Variants in RABEP1 observed in about 807,000 individuals in gnomAD.
RABEP1 encodes rabaptin, RAB GTPase binding effector protein 1, also known as rab GTPase-binding effector protein 1.
In RABEP1, 51 loss-of-function variants were observed where a neutral mutation model predicts 123.4. The ratio of observed to expected loss-of-function variants is 0.41; its 90% CI spans 0.33 to 0.52. The LOEUF (loss-of-function observed/expected upper bound fraction) is 0.52, where lower values mean the gene tolerates loss of function less well. Ranked by LOEUF, RABEP1 falls within the 20% of genes least tolerant of loss-of-function variation. RABEP1 has a pLI of 0.16. For missense variants in RABEP1, 888 were observed against 996.3 expected, an observed-to-expected ratio of 0.89 and a Z score of 1.46; for synonymous variants, 347 against 355.2, an observed-to-expected ratio of 0.98 and a Z score of 0.26.
At chr17:5,367,473 C>G (rs139738076) in intron 11 of RABEP1, among the ~76,000 whole-genome samples, 3,094 of 151,760 alleles carry the variant, frequency 0.02, 95 homozygotes, top group African/African-American at 0.069. Context: ...GTTTCACCAT[C>G]TTGGCCAGGC....
At chr17:5,373,997 T>G (rs964788323) in intron 13 of RABEP1, among the ~76,000 whole-genome samples, 12 of 152,106 alleles carry the variant, frequency 7.9e-5, no homozygotes, top group Admixed American at 1.3e-4. Context: ...GCTGGCTGCT[T>G]ATGACGTTTG....
chr17:5,381,635 A>C (rs1911466448), intron 17 of RABEP1, 130 bp downstream of exon 17: 2 of 1,393,284 alleles, frequency 1.4e-6, no homozygotes, highest in Non-Finnish European at 1.9e-6. Flanking sequence ...TCCACCCCAA[A>C]TGTCTGACTC....
intron 7 of RABEP1, among the ~76,000 whole-genome samples, chr17:5,352,338 G>A (rs1206190287): frequency 3.3e-5 from 5 of 151,822 alleles, no homozygotes; most frequent in East Asian, 2.0e-4. Flanking sequence ...GACTACAGGC[G>A]TGTGCCACCA....
intron 2 of RABEP1, among the ~76,000 whole-genome samples, chr17:5,322,829 C>T (rs933887335): frequency 1.4e-4 from 21 of 152,214 alleles, no homozygotes; most frequent in Middle Eastern, 3.2e-3. Flanking sequence ...AATCCCAACA[C>T]TTTGGGAGGC....
At chr17:5,294,649 T>TAGA (rs2075064562) in intron 1 of RABEP1, among the ~76,000 whole-genome samples, 1 of 50,940 alleles carries the variant, frequency 2.0e-5, no homozygotes, top group Non-Finnish European at 4.0e-5. Context: ...TTTTTTTTTT[T>TAGA]TTTTTTTTTT....
At chr17:5,291,382 A>G (rs1476638956) in intron 1 of RABEP1, among the ~76,000 whole-genome samples, 1 of 152,224 alleles carries the variant, frequency 6.6e-6, no homozygotes, top group Non-Finnish European at 1.5e-5. Flanking sequence ...ATTGCACTCC[A>G]GCCCGGGCGA....
intron 2 of RABEP1, among the ~76,000 whole-genome samples, chr17:5,311,217 T>C (rs1042636092): frequency 6.6e-6 from 1 of 152,186 alleles, no homozygotes. Flanking sequence ...AGTTTGTGTT[T>C]TTAGCAAGTT....
At chr17:5,287,033 T>C (rs1406805931) in intron 1 of RABEP1, among the ~76,000 whole-genome samples, 1 of 152,144 alleles carries the variant, frequency 6.6e-6, no homozygotes, top group Non-Finnish European at 1.5e-5. Context: ...GGCGGAAGCA[T>C]GTCTGGCATG....
chr17:5,334,952 C>T (rs1906921975), intron 3 of RABEP1, among the ~76,000 whole-genome samples: 1 of 152,048 alleles, frequency 6.6e-6, no homozygotes, highest in African/African-American at 2.4e-5. Flanking sequence ...AGGTTTTCTC[C>T]TTCGTAAAAT....
At chr17:5,314,566 T>TG (rs2075277670) in intron 2 of RABEP1, among the ~76,000 whole-genome samples, 1 of 150,944 alleles carries the variant, frequency 6.6e-6, no homozygotes, top group Non-Finnish European at 1.5e-5. Flanking sequence ...TCACCCAGGC[T>TG]GGAGTGCAGT....
chr17:5,323,074 C>CA (rs201728187), intron 2 of RABEP1, among the ~76,000 whole-genome samples: 3,159 of 151,134 alleles, frequency 0.021, 44 homozygotes, highest in Middle Eastern at 0.061. Context: ...GAGACTGTCT[C>CA]AAAAAAAACA....
At chr17:5,299,587 G>GAATACC in intron 1 of RABEP1, among the ~76,000 whole-genome samples, 1 of 151,006 alleles carries the variant, frequency 6.6e-6, no homozygotes, top group South Asian at 2.1e-4. Flanking sequence ...ACGTGGTTCT[G>GAATACC]AATTCATTTT....
chr17:5,290,933 G>A (rs114828731), intron 1 of RABEP1, among the ~76,000 whole-genome samples: 4,459 of 152,186 alleles, frequency 0.029, 73 homozygotes, highest in Middle Eastern at 0.065. Context: ...ATTCTTTAAA[G>A]GTAGTATTAA....
chr17:5,297,234 A>AC (rs1413233483), intron 1 of RABEP1, among the ~76,000 whole-genome samples: 1 of 151,934 alleles, frequency 6.6e-6, no homozygotes, highest in Non-Finnish European at 1.5e-5. Context: ...GCTTTAGGAT[A>AC]CCCCCTTTAC....
chr17:5,380,936 G>A (rs539548529), intron 16 of RABEP1, among the ~76,000 whole-genome samples: 1 of 152,328 alleles, frequency 6.6e-6, no homozygotes, highest in Non-Finnish European at 1.5e-5. Flanking sequence ...TGAACTGCTT[G>A]TTTTTGGAAA....
Position 5,373,349 on chromosome 17 carries a change from A to G in RABEP1, c.1920A>G (p.Glu640=), listed in dbSNP as rs1910680947. 1 of 1,613,304 alleles carries G rather than the reference A, an allele frequency of 6.2e-7. No individual in the cohort carries two copies. Among genetic ancestry groups the G allele is most frequent in the African/African-American group, 1.3e-5 (1 of 74,756 alleles). The change falls in exon 13 of 18, where the codon GAA becomes GAG. Residue 640 remains glutamate, a synonymous_variant. Coordinates refer to ENST00000537505, the MANE Select transcript of RABEP1 (RefSeq NM_004703.6). ...VLMQSREQVS[E]ELVRLQKDND... The stretch of plus-strand genomic sequence containing the variant: ...TGCAGTCACGGGAACAGGTTTCAGA[A>G]GAGCTGGTGAGGTTACAGAAAGATA...
chr17:5,373,345 C>T lies in RABEP1; in HGVS notation c.1916C>T (p.Ser639Leu), dbSNP rs1910679947. 1.2e-6 allele frequency: 2 copies of T among 1,613,218 alleles called. No homozygotes were observed. Among genetic ancestry groups the T allele is most frequent in the Non-Finnish European group, 1.7e-6 (2 of 1,179,828 alleles). ...AVLMQSREQVSEELVRLQKDN... is the reference protein window; with the variant it reads ...AVLMQSREQVLEELVRLQKDN... ...CTGATGCAGTCACGGGAACAGGTTT[C>T]AGAAGAGCTGGTGAGGTTACAGAAA... Residue 639 changes from serine (S) to leucine (L), a missense_variant, in exon 13 of 18, where the codon TCA becomes TTA. By Grantham distance (145) the Ser-to-Leu change is moderately radical. Transcript: ENST00000537505.
chr17:5,343,964 C>T (rs1369785754), intron 5 of RABEP1, among the ~76,000 whole-genome samples: 1 of 152,094 alleles, frequency 6.6e-6, no homozygotes, highest in Non-Finnish European at 1.5e-5. Context: ...GCATGAGTCA[C>T]TGTGCCTGGC....
intron 2 of RABEP1, among the ~76,000 whole-genome samples, chr17:5,321,721 A>C (rs1449589786): frequency 6.6e-6 from 1 of 152,238 alleles, no homozygotes; most frequent in African/African-American, 2.4e-5. Flanking sequence ...AAAGAGCAGG[A>C]GTAAGTAAGT....
Sources: allele counts gnomAD v4.1 joint callset (sites outside exome capture counted in the v4.1 genomes callset), GRCh38; gene constraint gnomAD v4.1.1; transcripts MANE v1.5; gene names NCBI Gene and HGNC (gene_info 2026-07-23, HGNC 2026-07-21).